Variants in JMJD1C observed in about 807,000 individuals in gnomAD.
JMJD1C encodes jumonji domain-containing protein 1C.
JMJD1C carries 31 observed loss-of-function variants against 245.3 expected under a neutral mutation model. The ratio of observed to expected loss-of-function variants is 0.13; its 90% confidence interval spans 0.09 to 0.17. The LOEUF (loss-of-function observed/expected upper bound fraction) is 0.17, where lower values mean the gene tolerates loss of function less well. Among genes scored for constraint, JMJD1C ranks in the 10% least tolerant of loss-of-function variants. The pLI is 1.00. For missense variants in JMJD1C, 2,691 were observed against 3,000.2 expected (o/e 0.90, Z 2.41); for synonymous variants, 1,057 against 1,017.4 (o/e 1.04, Z -0.74).
intron 1 of JMJD1C, among the ~76,000 whole-genome samples, chr10:63,396,727 G>C (rs1237263717): frequency 6.6e-6 from 1 of 151,720 alleles, no homozygotes; most frequent in African/African-American, 2.4e-5. Flanking sequence ...CTATTTTGTA[G>C]AGAAGAGAAA....
chr10:63,465,185 G>C (rs1462788698), intron 1 of JMJD1C: 2 of 352,046 alleles, frequency 5.7e-6, no homozygotes, highest in Non-Finnish European at 1.0e-5. Context: ...TCCGCCTTTC[G>C]GGGAGGTCTC....
intron 3 of JMJD1C, among the ~76,000 whole-genome samples, chr10:63,248,192 G>T (rs954042797): frequency 6.6e-6 from 1 of 151,980 alleles, no homozygotes. Context: ...GCCAGGCACG[G>T]TGTTTCACAC....
chr10:63,329,213 T>C (rs1022360496), intron 2 of JMJD1C, among the ~76,000 whole-genome samples: 1 of 149,560 alleles, frequency 6.7e-6, no homozygotes, highest in Admixed American at 6.7e-5. Flanking sequence ...GCCTGGGAGG[T>C]TGAAACTGTA....
intron 2 of JMJD1C, among the ~76,000 whole-genome samples, chr10:63,344,363 T>C (rs1040905086): frequency 6.6e-6 from 1 of 152,212 alleles, no homozygotes. Context: ...GGCCATACCA[T>C]ATAGCCTAAG....
intron 12 of JMJD1C, 59 bp from the exon 13 acceptor site, chr10:63,197,622 TTGGC>T: frequency 7.0e-7 from 1 of 1,427,326 alleles, no homozygotes; most frequent in Non-Finnish European, 9.3e-7. Context: ...CAAGGCAATT[TTGGC>T]TGAAATACAG....
intron 1 of JMJD1C, among the ~76,000 whole-genome samples, chr10:63,410,812 G>C (rs987709240): frequency 2.0e-5 from 3 of 151,960 alleles, no homozygotes; most frequent in African/African-American, 7.3e-5. Context: ...AGCTCTAATG[G>C]AGAAAAGTAG....
chr10:63,327,095 G>A (rs1941606296), intron 2 of JMJD1C, among the ~76,000 whole-genome samples: 1 of 152,102 alleles, frequency 6.6e-6, no homozygotes, highest in African/African-American at 2.4e-5. Flanking sequence ...GCTGAGGTAG[G>A]AGAATCGCTT....
chr10:63,246,652 T>A (rs778808017), intron 3 of JMJD1C, among the ~76,000 whole-genome samples: 1 of 151,806 alleles, frequency 6.6e-6, no homozygotes, highest in Non-Finnish European at 1.5e-5. Flanking sequence ...TTTAAAAATA[T>A]AAAAGCTACT....
chr10:63,228,695 TCTAA>T (rs1250755186), intron 3 of JMJD1C, among the ~76,000 whole-genome samples: 3 of 152,192 alleles, frequency 2.0e-5, no homozygotes, highest in South Asian at 2.1e-4. Flanking sequence ...TGCAATTTGA[TCTAA>T]CTGACTGCAA....
chr10:63,503,272 T>G (rs1954616688), intron 1 of JMJD1C, among the ~76,000 whole-genome samples: 1 of 152,112 alleles, frequency 6.6e-6, no homozygotes, highest in Non-Finnish European at 1.5e-5. Context: ...TAGGGGTTTT[T>G]GGGGGGGCTT....
intron 12 of JMJD1C, among the ~76,000 whole-genome samples, chr10:63,198,204 G>A (rs184462893): frequency 1.2e-4 from 19 of 152,260 alleles, no homozygotes; most frequent in African/African-American, 4.1e-4. Flanking sequence ...CAAATAATTG[G>A]GGTAGATTAT....
intron 2 of JMJD1C, among the ~76,000 whole-genome samples, chr10:63,367,110 T>A (rs181332028): frequency 1.3e-5 from 2 of 152,272 alleles, no homozygotes; most frequent in East Asian, 3.9e-4. Flanking sequence ...GGATAAAATA[T>A]TGAAGCCAAA....
chr10:63,276,360 G>A (rs1232664824), intron 2 of JMJD1C, among the ~76,000 whole-genome samples: 1 of 151,742 alleles, frequency 6.6e-6, no homozygotes, highest in African/African-American at 2.4e-5. Flanking sequence ...CAGCTACTCC[G>A]GAGGCTGAAG....
chr10:63,241,109 T>C (rs771245065), intron 3 of JMJD1C, among the ~76,000 whole-genome samples: 1 of 152,198 alleles, frequency 6.6e-6, no homozygotes, highest in Non-Finnish European at 1.5e-5. Context: ...ACTGTTTTAA[T>C]TTATGCACAT....
chr10:63,311,674 C>T (rs1335636511), intron 2 of JMJD1C, among the ~76,000 whole-genome samples: 3 of 151,970 alleles, frequency 2.0e-5, no homozygotes, highest in Non-Finnish European at 2.9e-5. Flanking sequence ...GGTTCAGAAA[C>T]GTGAAACACA....
chr10:63,193,557 T>C, intron 14 of JMJD1C, 85 bp from the exon 15 acceptor site: 2 of 814,830 alleles, frequency 2.5e-6, no homozygotes, highest in South Asian at 4.5e-5. Flanking sequence ...TTTTGTATTA[T>C]AATTGGGAAT....
intron 8 of JMJD1C, among the ~76,000 whole-genome samples, chr10:63,210,280 A>C (rs989212029): frequency 4.6e-5 from 7 of 152,094 alleles, no homozygotes; most frequent in African/African-American, 1.7e-4. Context: ...ATTATTTCTC[A>C]ATAATAGTGT....
At chr10:63,367,858 AAATAAG>A (rs1945983500) in intron 2 of JMJD1C, among the ~76,000 whole-genome samples, 1 of 152,204 alleles carries the variant, frequency 6.6e-6, no homozygotes, top group Non-Finnish European at 1.5e-5. Context: ...CTCTGGATTA[AAATAAG>A]AATGTCTGAA....
At chr10:63,292,782 C>T (rs7084707) in intron 2 of JMJD1C, among the ~76,000 whole-genome samples, 58,358 of 151,788 alleles carry the variant, frequency 0.38, 11,580 homozygotes, top group South Asian at 0.5. Context: ...TGGTGGCTCA[C>T]GCCTGTAATC....
Sources: allele counts gnomAD v4.1 joint callset (sites outside exome capture counted in the v4.1 genomes callset), GRCh38; gene constraint gnomAD v4.1.1; transcripts MANE v1.5; gene names NCBI Gene and HGNC (gene_info 2026-07-23, HGNC 2026-07-21).